The following CRK variants were observed in gnomAD, a reference collection of about 807,000 sequenced individuals.
CRK encodes adapter molecule crk.
In CRK, 4 loss-of-function variants were observed where a neutral mutation model predicts 29.8. The ratio of observed to expected loss-of-function variants is 0.13; its 90% confidence interval spans 0.07 to 0.31. The LOEUF (loss-of-function observed/expected upper bound fraction) is 0.31. Ranked by LOEUF, CRK falls within the 10% of genes least tolerant of loss-of-function variation. The pLI is 1.00. For synonymous variants in CRK, 153 were observed against 164.9 expected (o/e 0.93, Z 0.55); for missense variants, 274 against 396.5 (o/e 0.69, Z 2.62).
At chr17:1,437,227 T>A (rs1332960667) in intron 1 of CRK, 72 bp from the exon 2 acceptor site, 1 of 1,412,298 alleles carries the variant, frequency 7.1e-7, no homozygotes, top group Non-Finnish European at 9.5e-7. Context: ...TTTATTTTTA[T>A]TTTTTTTAGA....
intron 2 of CRK, among the ~76,000 whole-genome samples, chr17:1,435,362 T>C (rs2073878879): frequency 1.3e-5 from 2 of 151,970 alleles, no homozygotes; most frequent in Non-Finnish European, 2.9e-5. Context: ...TTGTTCCATG[T>C]TTTCATACTT....
rs2073746629 is a variant in CRK at position 1,423,416 on chromosome 17, G to A, written c.*97C>T. On this transcript the variant is annotated 3_prime_UTR_variant, in exon 3 of 3. Coordinates refer to ENST00000300574, the MANE Select transcript of CRK (RefSeq NM_016823.4). ...GGTAACAGAATGCTTATATAAACTA[G>A]ACTGCTTTTGACATCTGTAAGAAAA... 1 of 1,436,686 alleles carries A rather than the reference G, an allele frequency of 7.0e-7. No individual in the cohort carries two copies. Among genetic ancestry groups the A allele is most frequent in the Non-Finnish European group, 9.4e-7 (1 of 1,059,184 alleles). The allele number at this position is 1,436,686 out of a possible 1,614,324, so 89.0% of individuals were successfully genotyped here.
At chr17:1,451,808 G>A (rs560501279) in intron 1 of CRK, among the ~76,000 whole-genome samples, 62 of 151,616 alleles carry the variant, frequency 4.1e-4, no homozygotes, top group African/African-American at 1.3e-3. Context: ...GTGAAACCCC[G>A]TGTCTACTAA....
chr17:1,434,600 A>G (rs2073873217), intron 2 of CRK, among the ~76,000 whole-genome samples: 1 of 151,932 alleles, frequency 6.6e-6, no homozygotes, highest in Non-Finnish European at 1.5e-5. Context: ...CTGGCCAACA[A>G]GGTGAAACCC....
intron 1 of CRK, among the ~76,000 whole-genome samples, chr17:1,448,822 C>T (rs2073995765): frequency 6.6e-6 from 1 of 151,946 alleles, no homozygotes; most frequent in Non-Finnish European, 1.5e-5. Context: ...CGGTGGCTCA[C>T]ACCTGTAATC....
At position 1,456,154 on chromosome 17, in the gene CRK, C is replaced by T; in HGVS notation, c.-37G>A. On this transcript the variant is annotated 5_prime_UTR_variant, in exon 1 of 3. Coordinates refer to ENST00000300574, the MANE Select transcript of CRK (RefSeq NM_016823.4). ...CGCCTAAACGCTGGGGTGCCGCCGCCGCGCGCGCCCCTCCGGCCCCCGGCG... is the reference window on the plus strand; with the variant it reads ...CGCCTAAACGCTGGGGTGCCGCCGCTGCGCGCGCCCCTCCGGCCCCCGGCG... 6.9e-7 allele frequency: 1 copy of T among 1,442,364 alleles called. No individual in the cohort carries two copies. The highest frequency in any genetic ancestry group is 3.0e-5 in the East Asian group (1 of 32,940). 89.3% of individuals were successfully genotyped at this position (1,442,364 alleles called of 1,614,324 possible).
chr17:1,446,007 C>A (rs750538891), intron 1 of CRK, among the ~76,000 whole-genome samples: 3 of 152,182 alleles, frequency 2.0e-5, no homozygotes, highest in African/African-American at 7.2e-5. Flanking sequence ...TTGTGATCTG[C>A]CTGCCTCGGC....
chr17:1,448,666 G>A (rs1181903444), intron 1 of CRK, among the ~76,000 whole-genome samples: 2 of 143,334 alleles, frequency 1.4e-5, no homozygotes, highest in African/African-American at 5.2e-5. Flanking sequence ...GTACATTATA[G>A]GTGCTCAATA....
intron 2 of CRK, among the ~76,000 whole-genome samples, chr17:1,425,083 A>G (rs1467037924): frequency 6.6e-6 from 1 of 151,802 alleles, no homozygotes; most frequent in Non-Finnish European, 1.5e-5. Context: ...AATGAAATAT[A>G]AAGGTTTTTT....
intron 2 of CRK, among the ~76,000 whole-genome samples, chr17:1,430,522 A>C (rs768861335): frequency 6.8e-6 from 1 of 146,356 alleles, no homozygotes; most frequent in African/African-American, 2.6e-5. Context: ...ACGTCCGGCT[A>C]ATTTTTTGTA....
intron 1 of CRK, among the ~76,000 whole-genome samples, chr17:1,444,594 GC>G (rs1568019060): frequency 9.9e-6 from 1 of 100,868 alleles, no homozygotes; most frequent in African/African-American, 5.5e-5. Context: ...GGAAGCCGAA[GC>G]GGGGGGGGGG....
Position 1,430,960 on chromosome 17 carries a change from A to C in CRK, c.777+5660T>G, listed in dbSNP as rs571748733. Among the ~76,000 whole-genome samples the C allele has an allele frequency of 1.1e-4, 16 of 151,974 alleles. No homozygotes were observed. In the East Asian group the frequency reaches 2.6e-3, roughly 24 times the overall value. ...GCAGGCGCCTGTAGTCCCAGCTGCT[A>C]GGGAGGCTGAGGCAGGAGAATAGCG... On this transcript the variant is annotated intron_variant, in intron 2 of 2. Transcript: ENST00000300574.
intron 1 of CRK, among the ~76,000 whole-genome samples, chr17:1,438,140 T>C (rs185179179): frequency 9.2e-5 from 14 of 152,092 alleles, no homozygotes; most frequent in Admixed American, 9.2e-4. Flanking sequence ...GTGGTTTTCG[T>C]TGTTTTTGGG....
rs757222327 is a variant in CRK at position 1,422,851 on chromosome 17, A to G, written c.*662T>C. 1.8e-5 allele frequency: 7 copies of G among 398,406 alleles called. No homozygotes were observed. The highest frequency in any genetic ancestry group is 1.8e-5 in the Non-Finnish European group (4 of 226,100). The allele number at this position is 398,406 out of a possible 1,614,324, so 24.7% of individuals were successfully genotyped here. A position where few individuals can be genotyped will look rare whatever the true frequency, so the allele number is the denominator to read the frequency against. ...ACATCCTGCTTTTCACCTGGAATGA[A>G]AATACACACTTATCTTAGGAATTCA... is the stretch of plus-strand genomic sequence containing the variant. On this transcript the variant is annotated 3_prime_UTR_variant, in exon 3 of 3. Coordinates refer to ENST00000300574, the MANE Select transcript of CRK (RefSeq NM_016823.4).
At chr17:1,425,128 T>C (rs986941850) in intron 2 of CRK, among the ~76,000 whole-genome samples, 18 of 151,740 alleles carry the variant, frequency 1.2e-4, no homozygotes, top group Non-Finnish European at 1.6e-4. Context: ...CTCGATCTGT[T>C]GCCCAGGCTG....
chr17:1,448,646 A>G (rs1453572000), intron 1 of CRK, among the ~76,000 whole-genome samples: 1 of 121,562 alleles, frequency 8.2e-6, no homozygotes, highest in Non-Finnish European at 1.8e-5. Flanking sequence ...AAAAAAAGAA[A>G]AAGTGGCTCG....
intron 1 of CRK, among the ~76,000 whole-genome samples, chr17:1,450,854 C>T (rs1350628972): frequency 3.9e-5 from 6 of 151,940 alleles, no homozygotes; most frequent in Non-Finnish European, 7.4e-5. Flanking sequence ...CCACTGCACT[C>T]CAGACGGGGC....
chr17:1,451,514 G>A (rs1213851918), intron 1 of CRK, among the ~76,000 whole-genome samples: 1 of 152,022 alleles, frequency 6.6e-6, no homozygotes, highest in Non-Finnish European at 1.5e-5. Context: ...TTACAGGCAT[G>A]AGCCACTGCG....
At chr17:1,435,767 C>G (rs1453661013) in intron 2 of CRK, among the ~76,000 whole-genome samples, 3 of 151,960 alleles carry the variant, frequency 2.0e-5, no homozygotes, top group Non-Finnish European at 4.4e-5. Context: ...AAGTGGTCTT[C>G]CTGCCTTAGC....
Sources: gnomAD v4.1 joint callset for allele counts (sites outside exome capture counted in the v4.1 genomes callset) on GRCh38, gnomAD v4.1.1 for gene constraint, MANE v1.5 for transcripts, NCBI Gene and HGNC (gene_info 2026-07-23, HGNC 2026-07-21) for gene names.